CLMP: variants seen among roughly 807,000 people sequenced by gnomAD.
CLMP encodes CXADR like cell adhesion molecule, also known as CXADR-like membrane protein.
A neutral mutation model predicts 45.2 loss-of-function variants in CLMP; 27 were observed. The ratio of observed to expected loss-of-function variants is 0.60; its 90% CI spans 0.44 to 0.82. CLMP has a LOEUF of 0.82. CLMP is among the 40% of genes least tolerant of loss of function. The pLI is 0.00. For missense variants in CLMP, 403 were observed against 448.4 expected (o/e 0.90, Z 0.91); for synonymous variants, 167 against 171.4 (o/e 0.97, Z 0.20).
chr11:123,147,219 C>G (rs199675010), intron 1 of CLMP, among the ~76,000 whole-genome samples: 3 of 152,090 alleles, frequency 2.0e-5, no homozygotes, highest in African/African-American at 4.8e-5. Context: ...AACCTCATCT[C>G]GTGTAGCTGT....
At chr11:123,175,498 A>G (rs1861686767) in intron 1 of CLMP, among the ~76,000 whole-genome samples, 1 of 152,150 alleles carries the variant, frequency 6.6e-6, no homozygotes, top group Admixed American at 6.5e-5. Context: ...GATTTGAGTG[A>G]GGACACAGAG....
At chr11:123,169,423 G>T (rs992716863) in intron 1 of CLMP, among the ~76,000 whole-genome samples, 1 of 152,092 alleles carries the variant, frequency 6.6e-6, no homozygotes, top group African/African-American at 2.4e-5. Flanking sequence ...CAGAATCACC[G>T]TGGGCTCCAG....
chr11:123,136,294 CTGG>C (rs1299414440), intron 1 of CLMP: 3 of 644,688 alleles, frequency 4.7e-6, no homozygotes, highest in Non-Finnish European at 9.0e-6. Flanking sequence ...GATTCCACCA[CTGG>C]TGTCTTCGCG....
chr11:123,168,560 G>A (rs974158686), intron 1 of CLMP, among the ~76,000 whole-genome samples: 7 of 152,136 alleles, frequency 4.6e-5, no homozygotes, highest in Admixed American at 1.3e-4. Context: ...TGTCCCCTGG[G>A]AGCCGGGTAG....
chr11:123,079,006 G>A (rs1865771607), intron 5 of CLMP, among the ~76,000 whole-genome samples: 2 of 151,954 alleles, frequency 1.3e-5, no homozygotes, highest in South Asian at 4.1e-4. Context: ...TCAAACTCCT[G>A]ACCTCAGGTG....
At chr11:123,190,652 A>C (rs1206502749) in intron 1 of CLMP, among the ~76,000 whole-genome samples, 12 of 152,320 alleles carry the variant, frequency 7.9e-5, no homozygotes, top group Non-Finnish European at 1.5e-4. Context: ...CACCAGACAT[A>C]CATGACACTG....
chr11:123,140,434 TAATGG>T (rs940192438), intron 1 of CLMP, among the ~76,000 whole-genome samples: 7 of 152,170 alleles, frequency 4.6e-5, no homozygotes, highest in African/African-American at 1.7e-4. Context: ...TATTTGTTGC[TAATGG>T]AGATCAGTAA....
chr11:123,153,846 CTTTTT>C (rs60591379), intron 1 of CLMP, among the ~76,000 whole-genome samples: 2 of 123,906 alleles, frequency 1.6e-5, no homozygotes, highest in African/African-American at 3.1e-5. Flanking sequence ...CCATGCCTCA[CTTTTT>C]TTTTTTTTTT....
At position 123,070,667 on chromosome 11, in the gene CLMP, G is replaced by C. The variant is rs1865661338; in HGVS notation, c.*2807C>G. 2 of 152,140 alleles carry C rather than the reference G, an allele frequency of 1.3e-5. No homozygotes were observed. The highest frequency in any genetic ancestry group is 6.6e-5 in the Admixed American group (1 of 15,266). The allele number at this position is 152,140 out of a possible 1,614,324, so 9.4% of individuals were successfully genotyped here. On this transcript the variant is annotated 3_prime_UTR_variant, in exon 7 of 7. Transcript: ENST00000448775. ...TCCGTTGTGTATTTGTTTGGCTCAG[G>C]TACTCTAGAAATGAGAATTCTTAGA... is the stretch of plus-strand genomic sequence containing the variant.
intron 1 of CLMP, among the ~76,000 whole-genome samples, chr11:123,177,238 G>T (rs777457573): frequency 7.9e-5 from 12 of 152,110 alleles, no homozygotes; most frequent in Non-Finnish European, 1.3e-4. Context: ...ACTGCTTTGG[G>T]GTGTTTTTGC....
chr11:123,138,918 G>A (rs949231906), intron 1 of CLMP, among the ~76,000 whole-genome samples: 1 of 152,128 alleles, frequency 6.6e-6, no homozygotes, highest in African/African-American at 2.4e-5. Flanking sequence ...GCCTCCCAAA[G>A]TTCTGGTATT....
chr11:123,152,192 CAT>C (rs1319920864), intron 1 of CLMP, among the ~76,000 whole-genome samples: 1 of 152,078 alleles, frequency 6.6e-6, no homozygotes, highest in Non-Finnish European at 1.5e-5. Context: ...GAGCTATACA[CAT>C]ATATTATTAC....
At chr11:123,166,455 G>C (rs1158167080) in intron 1 of CLMP, among the ~76,000 whole-genome samples, 2 of 152,224 alleles carry the variant, frequency 1.3e-5, no homozygotes, top group Admixed American at 1.3e-4. Flanking sequence ...AAACAGCCTT[G>C]TATCTTCCTC....
At chr11:123,123,487 G>T (rs1204900705) in intron 1 of CLMP, among the ~76,000 whole-genome samples, 1 of 151,958 alleles carries the variant, frequency 6.6e-6, no homozygotes, top group Non-Finnish European at 1.5e-5. Flanking sequence ...TGAACTGCTG[G>T]CCTCAAGTGA....
intron 1 of CLMP, among the ~76,000 whole-genome samples, chr11:123,133,829 G>C (rs920354652): frequency 8.5e-5 from 13 of 152,102 alleles, no homozygotes; most frequent in Non-Finnish European, 1.6e-4. Context: ...AGGCCTTGCT[G>C]TCTCCCCCAG....
chr11:123,136,186 C>T (rs914918171), intron 1 of CLMP: 2 of 636,014 alleles, frequency 3.1e-6, no homozygotes, highest in Non-Finnish European at 6.1e-6. Context: ...CTTTCTGGAA[C>T]AAAAATCCTG....
intron 1 of CLMP, among the ~76,000 whole-genome samples, chr11:123,100,970 G>A (rs1866051301): frequency 6.6e-6 from 1 of 152,036 alleles, no homozygotes; most frequent in Non-Finnish European, 1.5e-5. Context: ...CTCTCTGTGA[G>A]TGCAGAAATA....
intron 1 of CLMP, among the ~76,000 whole-genome samples, chr11:123,124,931 C>G (rs1398512775): frequency 1.3e-5 from 2 of 152,162 alleles, no homozygotes; most frequent in African/African-American, 4.8e-5. Context: ...GGGTCTGGCT[C>G]TGTCACCCAG....
At chr11:123,088,930 T>C (rs984879904) in intron 2 of CLMP, among the ~76,000 whole-genome samples, 2 of 152,182 alleles carry the variant, frequency 1.3e-5, no homozygotes, top group African/African-American at 4.8e-5. Flanking sequence ...AGCTGCTTGT[T>C]TATTTTAGTA....
Sources: allele counts gnomAD v4.1 joint callset (sites outside exome capture counted in the v4.1 genomes callset), GRCh38; gene constraint gnomAD v4.1.1; transcripts MANE v1.5; gene names NCBI Gene and HGNC (gene_info 2026-07-23, HGNC 2026-07-21).